Variants in VPS13B observed in about 807,000 individuals in gnomAD.
VPS13B encodes the protein vacuolar protein sorting 13 homolog B.
In VPS13B, 285 loss-of-function variants were observed where a neutral mutation model predicts 426.4. That is an observed-to-expected ratio of 0.67 (90% CI 0.61 to 0.74). VPS13B has a LOEUF of 0.74. Ranked by LOEUF, VPS13B falls within the 30% of genes least tolerant of loss-of-function variation. The probability of loss-of-function intolerance (pLI) is 0.00; values close to 1 mark genes in which losing one functional copy is unlikely to be tolerated. For missense variants in VPS13B, 4,537 were observed against 4,782.6 expected, an observed-to-expected ratio of 0.95 and a Z score of 1.51; for synonymous variants, 1,676 against 1,676.4, an observed-to-expected ratio of 1.00 and a Z score of 0.01.
rs1248136901 is a variant in VPS13B, at chr8:99,156,713, T to C, written c.2178T>C (p.Leu726=). 10 of 1,614,068 alleles carry C rather than the reference T, an allele frequency of 6.2e-6. No homozygotes were observed. Among genetic ancestry groups the C allele is most frequent in the Non-Finnish European group, 8.5e-6 (10 of 1,179,910 alleles). The change falls in exon 15 of 62, where the codon CTT becomes CTC. Residue 726 remains leucine (L), a synonymous_variant. Transcript: ENST00000357162. ...TTACTCAACCTTCTGATAACCTGCT[T>C]CATTATTGTTATGTACACTGCTATC... ...SSLTQPSDNL[L]HYCYVHCYLK...
At chr8:99,507,987 A>T in intron 28 of VPS13B, 3 of 1,597,990 alleles carry the variant, frequency 1.9e-6, no homozygotes. Flanking sequence ...TGATTCATAG[A>T]GTCAACTCTT....
chr8:99,875,529 T>G lies in VPS13B; in HGVS notation c.11857T>G (p.Cys3953Gly), dbSNP rs1161942735. Residue 3953 changes from cysteine (C) to glycine (G), a missense_variant, in exon 62 of 62, where the codon TGC becomes GGC. Physicochemically the swap from Cys to Gly is radical, Grantham distance 159. Around this residue, in one of 2 missense-constraint regions of VPS13B, gnomAD observed 4,311 missense variants for 4,474.3 expected, o/e 0.96. Transcript: ENST00000357162. ...CAGCTGTTCTTCCATGCAAATACCATGCCCTGTGGTGGCTGCAGAACCTCC... is the reference window on the plus strand; with the variant it reads ...CAGCTGTTCTTCCATGCAAATACCAGGCCCTGTGGTGGCTGCAGAACCTCC... ...APSCSSMQIPCPVVAAEPPPS... is the reference protein window; with the variant it reads ...APSCSSMQIPGPVVAAEPPPS... 6.2e-7 allele frequency: 1 copy of G among 1,614,076 alleles called. No homozygotes were observed. Among genetic ancestry groups the G allele is most frequent in the Non-Finnish European group, 8.5e-7 (1 of 1,179,946 alleles).
intron 17 of VPS13B, among the ~76,000 whole-genome samples, chr8:99,252,861 G>C (rs1426016938): frequency 1.3e-5 from 2 of 151,936 alleles, no homozygotes; most frequent in African/African-American, 4.8e-5. Flanking sequence ...GTATCATACA[G>C]CTATTTTAAA....
intron 33 of VPS13B, among the ~76,000 whole-genome samples, chr8:99,613,296 A>G (rs1827921262): frequency 6.6e-6 from 1 of 152,240 alleles, no homozygotes; most frequent in Non-Finnish European, 1.5e-5. Flanking sequence ...CTCACATAGT[A>G]CCAGGCCAGT....
At chr8:99,286,985 A>G (rs945716996) in intron 19 of VPS13B, among the ~76,000 whole-genome samples, 3 of 152,120 alleles carry the variant, frequency 2.0e-5, no homozygotes, top group African/African-American at 7.2e-5. Context: ...TTGCCGTACT[A>G]GGTTCCTTTC....
intron 29 of VPS13B, among the ~76,000 whole-genome samples, chr8:99,513,638 C>T (rs1174312060): frequency 6.6e-6 from 1 of 152,122 alleles, no homozygotes; most frequent in African/African-American, 2.4e-5. Context: ...ATATTATTCC[C>T]TACACTGTTT....
intron 25 of VPS13B, among the ~76,000 whole-genome samples, chr8:99,495,254 A>G (rs1820824403): frequency 6.6e-6 from 1 of 152,246 alleles, no homozygotes; most frequent in Non-Finnish European, 1.5e-5. Context: ...ATTGTGGTAC[A>G]TGGCATAGAC....
intron 3 of VPS13B, among the ~76,000 whole-genome samples, chr8:99,063,748 G>A (rs765642621): frequency 6.6e-6 from 1 of 152,198 alleles, no homozygotes. Flanking sequence ...TGAGCTCAGA[G>A]AACAGACAGA....
At chr8:99,586,997 G>A (rs889469864) in intron 33 of VPS13B, among the ~76,000 whole-genome samples, 4 of 151,954 alleles carry the variant, frequency 2.6e-5, no homozygotes, top group East Asian at 1.9e-4. Context: ...GACAGGCCCC[G>A]GTGTGTGATG....
chr8:99,479,535 A>T (rs73702018), intron 24 of VPS13B, among the ~76,000 whole-genome samples: 1 of 152,196 alleles, frequency 6.6e-6, no homozygotes, highest in Admixed American at 6.5e-5. Context: ...GCATACATAC[A>T]CACATGAAAC....
intron 39 of VPS13B, among the ~76,000 whole-genome samples, chr8:99,734,657 A>C (rs1415397874): frequency 6.6e-6 from 1 of 152,222 alleles, no homozygotes; most frequent in Non-Finnish European, 1.5e-5. Context: ...TGAGCTGAGC[A>C]ATGACCATGA....
At chr8:99,137,971 C>T (rs572075793) in intron 12 of VPS13B, among the ~76,000 whole-genome samples, 13 of 152,150 alleles carry the variant, frequency 8.5e-5, no homozygotes, top group South Asian at 4.1e-4. Context: ...CTTTGAAAAT[C>T]GTACTATCCT....
intron 21 of VPS13B, among the ~76,000 whole-genome samples, chr8:99,415,597 G>T (rs114322177): frequency 6.6e-6 from 1 of 152,110 alleles, no homozygotes; most frequent in Non-Finnish European, 1.5e-5. Flanking sequence ...TGGGGTTTCT[G>T]TGTCAATGTC....
chr8:99,591,984 A>G (rs1318083318), intron 33 of VPS13B, among the ~76,000 whole-genome samples: 1 of 151,976 alleles, frequency 6.6e-6, no homozygotes, highest in East Asian at 1.9e-4. Context: ...TTTCAGGTAC[A>G]CCAATCAAAC....
intron 17 of VPS13B, among the ~76,000 whole-genome samples, chr8:99,236,144 T>C (rs533311762): frequency 6.6e-6 from 1 of 152,314 alleles, no homozygotes; most frequent in African/African-American, 2.4e-5. Flanking sequence ...TCATCCACTA[T>C]CATGGGTCAA....
chr8:99,468,421 ATCTTTT>A (rs1489026328), intron 24 of VPS13B, among the ~76,000 whole-genome samples: 1 of 152,120 alleles, frequency 6.6e-6, no homozygotes. Flanking sequence ...GACACCTGAA[ATCTTTT>A]TCTTTTTAAA....
intron 2 of VPS13B, among the ~76,000 whole-genome samples, chr8:99,028,652 G>A (rs1166742022): frequency 7.6e-6 from 1 of 131,418 alleles, no homozygotes; most frequent in African/African-American, 2.9e-5. Flanking sequence ...CGGACGGGGT[G>A]GCTGGCCAGG....
intron 30 of VPS13B, among the ~76,000 whole-genome samples, chr8:99,535,396 T>C (rs1043902542): frequency 1.3e-5 from 2 of 152,204 alleles, no homozygotes; most frequent in African/African-American, 2.4e-5. Flanking sequence ...GAAATACTTA[T>C]CCTGTTTGAA....
intron 36 of VPS13B, among the ~76,000 whole-genome samples, chr8:99,705,704 T>C (rs1563873617): frequency 1.3e-5 from 2 of 152,218 alleles, no homozygotes; most frequent in African/African-American, 2.4e-5. Flanking sequence ...AAATAGCTTG[T>C]GCATTTTTAA....
Sources: gnomAD v4.1 joint callset for allele counts (sites outside exome capture counted in the v4.1 genomes callset) on GRCh38, gnomAD v4.1.1 for gene constraint, gnomAD v4.1.1 regional missense constraint, MANE v1.5 for transcripts, NCBI Gene and HGNC (gene_info 2026-07-23, HGNC 2026-07-21) for gene names.